TMTC2: variants seen among roughly 807,000 people sequenced by gnomAD.
TMTC2 encodes transmembrane O-mannosyltransferase targeting cadherins 2.
TMTC2 carries 43 observed loss-of-function variants against 82.4 expected under a neutral mutation model. The observed-to-expected ratio is 0.52, with a 90% CI of 0.41 to 0.67. The LOEUF is 0.67. Among genes scored for constraint, TMTC2 ranks in the 30% least tolerant of loss-of-function variants. The pLI is 0.00. For synonymous variants in TMTC2, 408 were observed against 381.9 expected, an observed-to-expected ratio of 1.07 and a Z score of -0.80; for missense variants, 919 against 1,012.4, an observed-to-expected ratio of 0.91 and a Z score of 1.25.
At chr12:82,691,136 T>C (rs949803549) in intron 1 of TMTC2, among the ~76,000 whole-genome samples, 3 of 152,202 alleles carry the variant, frequency 2.0e-5, no homozygotes, top group African/African-American at 7.2e-5. Context: ...ATGCAACTTT[T>C]ACATGCTTTA....
chr12:82,961,804 T>C (rs1241369605), intron 4 of TMTC2, among the ~76,000 whole-genome samples: 1 of 152,060 alleles, frequency 6.6e-6, no homozygotes, highest in Non-Finnish European at 1.5e-5. Context: ...CTTATTTGTC[T>C]CCCTCAGTAG....
At chr12:83,131,946 T>G (rs1322230646) in intron 11 of TMTC2, among the ~76,000 whole-genome samples, 1 of 152,234 alleles carries the variant, frequency 6.6e-6, no homozygotes, top group Non-Finnish European at 1.5e-5. Flanking sequence ...GATCTTCATA[T>G]GTTACCTATG....
intron 1 of TMTC2, among the ~76,000 whole-genome samples, chr12:82,704,962 AAT>A (rs1873274815): frequency 6.6e-6 from 1 of 152,220 alleles, no homozygotes; most frequent in Non-Finnish European, 1.5e-5. Context: ...TCAACGAGTT[AAT>A]AAAGAAACTG....
At chr12:83,053,982 C>T (rs1274381442) in intron 10 of TMTC2, among the ~76,000 whole-genome samples, 1 of 152,056 alleles carries the variant, frequency 6.6e-6, no homozygotes, top group Admixed American at 6.6e-5. Context: ...CACTTTCCTG[C>T]CTTCCTTGAA....
intron 4 of TMTC2, among the ~76,000 whole-genome samples, chr12:82,956,306 T>C (rs927202021): frequency 6.6e-6 from 1 of 152,034 alleles, no homozygotes; most frequent in Admixed American, 6.6e-5. Context: ...AATATATATA[T>C]ATATATGTCT....
At chr12:82,985,797 T>C (rs1879129124) in intron 7 of TMTC2, 128 bp from the exon 8 acceptor site, 5 of 1,183,586 alleles carry the variant, frequency 4.2e-6, no homozygotes, top group African/African-American at 3.0e-5. Flanking sequence ...GATGAGAACA[T>C]GAATGAAAGT....
At chr12:83,010,469 C>T (rs1880406007) in intron 8 of TMTC2, among the ~76,000 whole-genome samples, 1 of 152,174 alleles carries the variant, frequency 6.6e-6, no homozygotes, top group African/African-American at 2.4e-5. Context: ...CCTTAGCCCT[C>T]CCACATTCCT....
chr12:82,988,432 G>A (rs1309495544), intron 8 of TMTC2, among the ~76,000 whole-genome samples: 1 of 152,276 alleles, frequency 6.6e-6, no homozygotes, highest in African/African-American at 2.4e-5. Flanking sequence ...AATGAATGGA[G>A]TATTCAGGTC....
At chr12:83,055,730 G>GTA (rs910929106) in intron 10 of TMTC2, among the ~76,000 whole-genome samples, 4 of 150,896 alleles carry the variant, frequency 2.7e-5, no homozygotes, top group African/African-American at 9.8e-5. Flanking sequence ...GTGTGTGTGT[G>GTA]TGTATGTGTG....
At chr12:83,080,870 C>G (rs1883441293) in intron 11 of TMTC2, among the ~76,000 whole-genome samples, 1 of 152,160 alleles carries the variant, frequency 6.6e-6, no homozygotes, top group Admixed American at 6.5e-5. Context: ...ACCCATCCCC[C>G]ACCACATGGT....
intron 7 of TMTC2, among the ~76,000 whole-genome samples, chr12:82,975,086 G>C (rs1878612305): frequency 6.6e-6 from 1 of 152,158 alleles, no homozygotes; most frequent in South Asian, 2.1e-4. Flanking sequence ...GAGGAGTTCA[G>C]AAAGGCTTTG....
At chr12:82,869,560 C>A (rs1442592280) in intron 2 of TMTC2, among the ~76,000 whole-genome samples, 2 of 152,116 alleles carry the variant, frequency 1.3e-5, no homozygotes, top group Admixed American at 1.3e-4. Context: ...GAATTTGAGG[C>A]CGGGCATGGT....
chr12:83,077,104 C>A (rs112111476), intron 11 of TMTC2, among the ~76,000 whole-genome samples: 4 of 152,124 alleles, frequency 2.6e-5, no homozygotes, highest in African/African-American at 9.7e-5. Context: ...ATAGCAAAGA[C>A]AGCTGGGAAT....
At chr12:83,127,703 G>A (rs1204573108) in intron 11 of TMTC2, among the ~76,000 whole-genome samples, 1 of 152,008 alleles carries the variant, frequency 6.6e-6, no homozygotes, top group Non-Finnish European at 1.5e-5. Context: ...TTCCAATCCT[G>A]TGTGTTCACA....
chr12:82,809,892 G>A (rs1434027452), intron 1 of TMTC2, among the ~76,000 whole-genome samples: 2 of 152,128 alleles, frequency 1.3e-5, no homozygotes, highest in Non-Finnish European at 2.9e-5. Flanking sequence ...TATTTCATCA[G>A]CCGTTTTTTA....
Position 82,896,032 on chromosome 12 carries a change from T to A in TMTC2, c.869T>A (p.Leu290His), listed in dbSNP as rs1157320482. ...NLWLLLCPDT[L>H]SFDWSMDAVP... ...TGGCTGTTGCTATGTCCAGATACCC[T>A]CAGTTTTGATTGGTCAATGGATGCT... The change falls in exon 3 of 12, where the codon CTC (leucine) becomes CAC (histidine). Residue 290 changes from leucine (L) to histidine (H), a missense_variant. Physicochemically the swap from Leu to His is moderately conservative, Grantham distance 99. Coordinates refer to ENST00000321196, the MANE Select transcript of TMTC2 (RefSeq NM_152588.3). 1.2e-6 allele frequency: 2 copies of A among 1,613,948 alleles called. No individual in the cohort carries two copies. The highest frequency in any genetic ancestry group is 1.7e-6 in the Non-Finnish European group (2 of 1,180,012).
At chr12:82,808,886 G>A (rs1400310873) in intron 1 of TMTC2, among the ~76,000 whole-genome samples, 1 of 151,618 alleles carries the variant, frequency 6.6e-6, no homozygotes, top group African/African-American at 2.4e-5. Context: ...TTGGCCAAAA[G>A]TTTTGTCCAT....
At chr12:82,816,893 T>C (rs1415529158) in intron 1 of TMTC2, among the ~76,000 whole-genome samples, 1 of 152,096 alleles carries the variant, frequency 6.6e-6, no homozygotes, top group Non-Finnish European at 1.5e-5. Context: ...TTAGGCTGAA[T>C]TGGTGAAAGA....
At chr12:82,912,216 G>A (rs1460109994) in intron 3 of TMTC2, among the ~76,000 whole-genome samples, 4 of 152,160 alleles carry the variant, frequency 2.6e-5, no homozygotes, top group Non-Finnish European at 5.9e-5. Flanking sequence ...AGAAGGAACT[G>A]GGTTAGAAAT....
Sources: allele counts gnomAD v4.1 joint callset (sites outside exome capture counted in the v4.1 genomes callset), GRCh38; gene constraint gnomAD v4.1.1; transcripts MANE v1.5; gene names NCBI Gene and HGNC (gene_info 2026-07-23, HGNC 2026-07-21).